Variants in ESRRG observed in about 807,000 individuals in gnomAD.
The protein encoded by ESRRG is estrogen related receptor gamma.
Under a neutral mutation model 44.0 loss-of-function variants are expected in ESRRG, and 13 were observed. That is an observed-to-expected ratio of 0.30 (90% CI 0.19 to 0.47). The LOEUF is 0.47. Among genes scored for constraint, ESRRG ranks in the 20% least tolerant of loss-of-function variants. ESRRG has a pLI of 1.00. For synonymous variants in ESRRG, 215 were observed against 214.6 expected (o/e 1.00, Z -0.02); for missense variants, 395 against 580.6 (o/e 0.68, Z 3.29).
At chr1:216,518,250 G>T (rs1572115238) in intron 6 of ESRRG, among the ~76,000 whole-genome samples, 1 of 152,104 alleles carries the variant, frequency 6.6e-6, no homozygotes, top group African/African-American at 2.4e-5. Context: ...TGAACAAATA[G>T]CCGTCCGCCC....
intron 2 of ESRRG, among the ~76,000 whole-genome samples, chr1:216,841,901 A>C (rs913299812): frequency 6.6e-6 from 1 of 151,514 alleles, no homozygotes. Flanking sequence ...GATGATTTAC[A>C]AAAAAAAAGA....
chr1:216,635,250 C>T (rs1017572732), intron 3 of ESRRG, among the ~76,000 whole-genome samples: 21 of 152,188 alleles, frequency 1.4e-4, no homozygotes, highest in Admixed American at 1.2e-3. Context: ...TATGCATGAA[C>T]AATTTGTACT....
chr1:216,742,732 G>T (rs1423832047), intron 2 of ESRRG, among the ~76,000 whole-genome samples: 4 of 151,942 alleles, frequency 2.6e-5, no homozygotes, highest in Non-Finnish European at 4.4e-5. Flanking sequence ...AACAACTTCA[G>T]AAAATGAATC....
intron 2 of ESRRG, among the ~76,000 whole-genome samples, chr1:216,659,022 C>T (rs2071538590): frequency 6.6e-6 from 1 of 152,134 alleles, no homozygotes; most frequent in Non-Finnish European, 1.5e-5. Context: ...CTTTGTTACC[C>T]TCAGTCTGCT....
chr1:216,943,047 C>A (rs1277442312), intron 1 of ESRRG, among the ~76,000 whole-genome samples: 3 of 80,928 alleles, frequency 3.7e-5, no homozygotes, highest in Non-Finnish European at 1.1e-4. Context: ...GGCATATAAA[C>A]TTATTACAAA....
intron 2 of ESRRG, among the ~76,000 whole-genome samples, chr1:216,667,443 C>T (rs1330795534): frequency 2.6e-5 from 4 of 151,796 alleles, no homozygotes; most frequent in East Asian, 3.9e-4. Context: ...CCCAGCACAT[C>T]GGGAGACCAA....
At chr1:216,990,453 CAA>C (rs991352821) in intron 1 of ESRRG, among the ~76,000 whole-genome samples, 2 of 151,902 alleles carry the variant, frequency 1.3e-5, no homozygotes, top group African/African-American at 4.8e-5. Context: ...TAAAGTTTAG[CAA>C]AAAGAGTTAA....
chr1:216,953,506 A>T (rs2067341353), intron 1 of ESRRG, among the ~76,000 whole-genome samples: 1 of 151,996 alleles, frequency 6.6e-6, no homozygotes. Flanking sequence ...ATCTCTGCTC[A>T]TGCCAATGAC....
At chr1:216,634,285 T>C (rs1479560084) in intron 3 of ESRRG, among the ~76,000 whole-genome samples, 5 of 152,188 alleles carry the variant, frequency 3.3e-5, no homozygotes, top group African/African-American at 1.2e-4. Context: ...CCAATGAGAA[T>C]TAAAGATCCC....
intron 3 of ESRRG, among the ~76,000 whole-genome samples, chr1:216,637,216 G>A (rs570392319): frequency 1.3e-5 from 2 of 151,942 alleles, no homozygotes; most frequent in Non-Finnish European, 2.9e-5. Flanking sequence ...ACACGGAAGG[G>A]GTGCCACTCA....
intron 1 of ESRRG, among the ~76,000 whole-genome samples, chr1:217,114,493 C>T (rs961529855): frequency 6.6e-6 from 1 of 151,816 alleles, no homozygotes; most frequent in Non-Finnish European, 1.5e-5. Context: ...TTAGGCTTAC[C>T]GAATCAATTT....
intron 1 of ESRRG, among the ~76,000 whole-genome samples, chr1:216,699,957 G>A (rs1051897787): frequency 1.3e-5 from 2 of 152,124 alleles, no homozygotes; most frequent in African/African-American, 4.8e-5. Flanking sequence ...TATCAGAAAA[G>A]GTATATGACC....
chr1:216,520,851 G>A (rs2045877891), intron 5 of ESRRG, among the ~76,000 whole-genome samples: 1 of 152,162 alleles, frequency 6.6e-6, no homozygotes, highest in Non-Finnish European at 1.5e-5. Flanking sequence ...TTTTTAGGCT[G>A]CTGCTTATGG....
At chr1:216,723,193 AC>A in intron 1 of ESRRG, 50 bp downstream of exon 1, 4 of 863,432 alleles carry the variant, frequency 4.6e-6, no homozygotes, top group Non-Finnish European at 7.2e-6. Context: ...GTCCGCCCCC[AC>A]CCCCGCACCC....
At chr1:216,890,073 T>TTA (rs2057563216) in intron 2 of ESRRG, among the ~76,000 whole-genome samples, 1 of 152,004 alleles carries the variant, frequency 6.6e-6, no homozygotes, top group Non-Finnish European at 1.5e-5. Context: ...AAGACCAGCT[T>TTA]GGGGAACATG....
chr1:216,894,669 A>G (rs1385020597), intron 2 of ESRRG, among the ~76,000 whole-genome samples: 1 of 152,112 alleles, frequency 6.6e-6, no homozygotes, highest in Non-Finnish European at 1.5e-5. Context: ...AAGAGGCAGT[A>G]TGGGGAGGGA....
At position 216,772,740 on chromosome 1, in the gene ESRRG, G is replaced by T. The variant is rs78858609; in HGVS notation, c.-13-95249C>A. 7.2e-3 allele frequency among the ~76,000 whole-genome samples: 1,096 copies of T among 152,014 alleles called. 52 individuals carry two copies. In the East Asian group the frequency reaches 0.13, roughly 18 times the overall value. On this transcript the variant is annotated intron_variant, in intron 2 of 7. Transcript: ENST00000359162. ...GTTTTTCACTTAACAACCCATTCTGGCTTTGGAACTAGATTCCCAAATAGC... is the reference window on the plus strand; with the variant it reads ...GTTTTTCACTTAACAACCCATTCTGTCTTTGGAACTAGATTCCCAAATAGC...
intron 2 of ESRRG, among the ~76,000 whole-genome samples, chr1:216,756,275 T>C (rs879727051): frequency 6.6e-6 from 1 of 152,054 alleles, no homozygotes; most frequent in Admixed American, 6.6e-5. Flanking sequence ...GGGTTTTTTC[T>C]CTTCTTTTTG....
chr1:217,100,842 A>T (rs2092499935), intron 1 of ESRRG, among the ~76,000 whole-genome samples: 2 of 152,138 alleles, frequency 1.3e-5, no homozygotes, highest in Admixed American at 1.3e-4. Flanking sequence ...ACTCTCAAAG[A>T]ATCGGCCCCC....
Sources: gnomAD v4.1 joint callset for allele counts (sites outside exome capture counted in the v4.1 genomes callset) on GRCh38, gnomAD v4.1.1 for gene constraint, MANE v1.5 for transcripts, NCBI Gene and HGNC (gene_info 2026-07-23, HGNC 2026-07-21) for gene names.